MBP: variants seen among roughly 807,000 people sequenced by gnomAD.
MBP encodes Golli-MBP.
In MBP, 16 loss-of-function variants were observed where a neutral mutation model predicts 35.8. That is an observed-to-expected ratio of 0.45 (90% CI 0.30 to 0.68). MBP has a LOEUF of 0.68. Ranked by LOEUF, MBP falls within the 30% of genes least tolerant of loss-of-function variation. The pLI is 0.08. For missense variants in MBP, 380 were observed against 404.7 expected (o/e 0.94, Z 0.52); for synonymous variants, 143 against 159.6 (o/e 0.90, Z 0.78).
rs756675355 is a variant in MBP at position 77,093,334 on chromosome 18, T to C, written c.51+11877A>G. 3.1e-3 allele frequency: 466 copies of C among 152,438 alleles called. 3 individuals carry two copies. Among genetic ancestry groups the C allele is most frequent in the Non-Finnish European group, 3.7e-3 (254 of 68,138 alleles). 9.4% of individuals were successfully genotyped at this position (152,438 alleles called of 1,614,324 possible). On this transcript the variant is annotated intron_variant, in intron 2 of 8. Transcript: ENST00000355994. ...GGCGGCATGAGGAGAGAGCCGCAGG[T>C]GGGGCGTGTGCACAAAGTGCAGGTG...
chr18:76,979,806 G>A lies in MBP; in HGVS notation c.*621C>T, dbSNP rs138147184. 3.3e-4 allele frequency: 197 copies of A among 602,312 alleles called. 2 individuals carry two copies. The East Asian group carries it at 5.5e-3, about 17-fold the overall frequency. The allele number at this position is 602,312 out of a possible 1,614,324, so 37.3% of individuals were successfully genotyped here. Reference sequence around the variant, plus strand: ...GTGTGGGCAGCCACGGCCTGGGGAGGTGGCCCCCTCTCTGTGCTGCCCCAC... The same window carrying A: ...GTGTGGGCAGCCACGGCCTGGGGAGATGGCCCCCTCTCTGTGCTGCCCCAC... On this transcript the variant is annotated 3_prime_UTR_variant, in exon 9 of 9. Transcript: ENST00000355994.
rs963959706 is a variant in MBP, at chr18:77,101,610, A to T, written c.51+3601T>A. Among the ~76,000 whole-genome samples, 10 of 152,174 alleles carry T rather than the reference A, an allele frequency of 6.6e-5. No homozygotes were observed. Among genetic ancestry groups the T allele is most frequent in the Admixed American group, 2.6e-4 (4 of 15,284 alleles). On this transcript the variant is annotated intron_variant, in intron 2 of 8. Coordinates refer to ENST00000355994, the MANE Select transcript of MBP (RefSeq NM_001025101.2). This position sits in a 1 kb window ranked among gnomAD's most constrained non-coding sequence, Gnocchi z 4.3. ...GTGGCTCAACCACTTGTTACCAGGG[A>T]CCTGCACCCCATATGAGTGGACTAA... is the stretch of plus-strand genomic sequence containing the variant.
At chr18:77,026,245 C>T (rs1972217956) in intron 3 of MBP, among the ~76,000 whole-genome samples, 1 of 152,252 alleles carries the variant, frequency 6.6e-6, no homozygotes, top group African/African-American at 2.4e-5. Flanking sequence ...CAGCCGCAAC[C>T]GGAGGCAGAG....
At chr18:77,067,865 C>G in intron 2 of MBP, 1 of 510,176 alleles carries the variant, frequency 2.0e-6, no homozygotes, top group South Asian at 1.4e-5. Context: ...TTAAGACCAC[C>G]CTGAAGTCTG....
At chr18:76,998,307 C>T (rs1009703410) in intron 4 of MBP, among the ~76,000 whole-genome samples, 3 of 144,370 alleles carry the variant, frequency 2.1e-5, no homozygotes, top group Non-Finnish European at 3.0e-5. Context: ...GCCCTCCAGG[C>T]GCCCCGTGCT....
intron 2 of MBP, among the ~76,000 whole-genome samples, chr18:77,068,102 C>T (rs1278243783): frequency 1.3e-5 from 2 of 152,030 alleles, no homozygotes; most frequent in Admixed American, 1.3e-4. Context: ...GGTAAGGTCC[C>T]CACCAACCAA....
chr18:77,037,222 C>T (rs35789059), intron 3 of MBP, among the ~76,000 whole-genome samples: 42,126 of 143,934 alleles, frequency 0.29, 5,199 homozygotes, highest in South Asian at 0.44. Flanking sequence ...GTGCTGGTCA[C>T]GTTTTGGAGA....
At chr18:77,092,667 C>T (rs1038644047) in intron 2 of MBP, among the ~76,000 whole-genome samples, 26 of 152,116 alleles carry the variant, frequency 1.7e-4, no homozygotes, top group Non-Finnish European at 3.4e-4. Flanking sequence ...CCACAAGTTA[C>T]AGACGCAGGG....
Position 76,984,913 on chromosome 18 carries a change from G to T in MBP, c.751-19C>A. Reference sequence around the variant, plus strand: ...CGGCCCCCTGCAAGAGAAGACCACGGAGCTCAACCTCCACCCGCGGTGCTG... The same window carrying T: ...CGGCCCCCTGCAAGAGAAGACCACGTAGCTCAACCTCCACCCGCGGTGCTG... On this transcript the variant is annotated intron_variant, in intron 7 of 8. Transcript: ENST00000355994. The T allele has an allele frequency of 6.2e-7, 1 of 1,611,862 alleles. No individual in the cohort carries two copies. The highest frequency in any genetic ancestry group is 8.5e-7 in the Non-Finnish European group (1 of 1,179,820).
chr18:76,989,946 C>T lies in MBP; in HGVS notation c.681+10G>A, dbSNP rs1568268037. ...ACAGTTGCTACCTCTTCCCATCGAT[C>T]GTCACTTACAATGTTCTTGAAGAAG... is the stretch of plus-strand genomic sequence containing the variant. On this transcript the variant is annotated intron_variant, in intron 5 of 8. Transcript: ENST00000355994. The surrounding 1 kb of genome is among the most constrained non-coding windows in gnomAD (Gnocchi z 4.0). 1.9e-6 allele frequency: 3 copies of T among 1,606,268 alleles called. No individual in the cohort carries two copies. Among genetic ancestry groups the T allele is most frequent in the Middle Eastern group, 2.2e-4 (1 of 4,538 alleles).
At chr18:77,003,188 G>C (rs1240617906) in intron 4 of MBP, 1 of 152,166 alleles carries the variant, frequency 6.6e-6, no homozygotes, top group East Asian at 1.9e-4. Flanking sequence ...CCTCCTTTCA[G>C]TGGAGAGTGA....
chr18:77,067,703 T>C, intron 2 of MBP: 1 of 418,684 alleles, frequency 2.4e-6, no homozygotes, highest in Non-Finnish European at 4.8e-6. Flanking sequence ...TGCCACTCCC[T>C]GCAGCGCCCC....
intron 4 of MBP, among the ~76,000 whole-genome samples, chr18:76,996,342 T>C (rs1970270289): frequency 6.6e-6 from 1 of 152,212 alleles, no homozygotes; most frequent in African/African-American, 2.4e-5. Context: ...ATAATGAATA[T>C]ATTGGCCACC....
chr18:77,084,956 G>C (rs542663370), intron 2 of MBP, among the ~76,000 whole-genome samples: 183 of 15,260 alleles, frequency 0.012, 1 homozygote, highest in Middle Eastern at 0.042. Context: ...GAAGGGGGAG[G>C]GGGGAGAGAG....
intron 1 of MBP, among the ~76,000 whole-genome samples, chr18:77,130,324 C>T (rs1977198977): frequency 6.6e-6 from 1 of 151,982 alleles, no homozygotes; most frequent in Admixed American, 6.5e-5. Flanking sequence ...TGCAGACTCC[C>T]CGGATGGAAT....
rs984359629 is a variant in MBP, at chr18:77,102,717, T to C, written c.51+2494A>G. On this transcript the variant is annotated intron_variant, in intron 2 of 8. Transcript: ENST00000355994. The surrounding 1 kb of genome is among the most constrained non-coding windows in gnomAD (Gnocchi z 4.4). ...CAGCGTCAAACAACAGGAAAGAAAC[T>C]GTACACCACAGAGAGGTTTCTTGAA... Among the ~76,000 whole-genome samples the C allele has an allele frequency of 6.6e-6, 1 of 152,204 alleles. No homozygotes were observed. The highest frequency in any genetic ancestry group is 1.5e-5 in the Non-Finnish European group (1 of 68,030).
At chr18:77,026,941 A>G (rs1408354539) in intron 3 of MBP, among the ~76,000 whole-genome samples, 1 of 152,238 alleles carries the variant, frequency 6.6e-6, no homozygotes, top group African/African-American at 2.4e-5. Context: ...ATGAGACAGA[A>G]GGCAATGAAA....
At chr18:77,009,980 T>C in intron 4 of MBP, 1 of 1,242,128 alleles carries the variant, frequency 8.1e-7, no homozygotes. Context: ...CCGCCGGCAA[T>C]GCCCCAAAGT....
chr18:76,988,069 T>G lies in MBP; in HGVS notation c.750+426A>C, dbSNP rs778927704. 93 of 1,449,574 alleles carry G rather than the reference T, an allele frequency of 6.4e-5. 1 individual carries two copies. Among genetic ancestry groups the G allele is most frequent in the Admixed American group, 2.5e-5 (1 of 39,422 alleles). The allele number at this position is 1,449,574 out of a possible 1,614,324, so 89.8% of individuals were successfully genotyped here. A position where few individuals can be genotyped will look rare whatever the true frequency, so the allele number is the denominator to read the frequency against. On this transcript the variant is annotated intron_variant, in intron 7 of 8. Transcript: ENST00000355994. This position sits in a 1 kb window ranked among gnomAD's most constrained non-coding sequence, Gnocchi z 5.2. Reference sequence around the variant, plus strand: ...TTTCTGTTCATCAGCAGAATCATTTTCCCAGTGTCAGCATCTGGGGTCACT... The same window carrying G: ...TTTCTGTTCATCAGCAGAATCATTTGCCCAGTGTCAGCATCTGGGGTCACT...
Sources: gnomAD v4.1 joint callset for allele counts (sites outside exome capture counted in the v4.1 genomes callset) on GRCh38, gnomAD v4.1.1 for gene constraint, Gnocchi (gnomAD v3.1) non-coding constraint, MANE v1.5 for transcripts, NCBI Gene and HGNC (gene_info 2026-07-23, HGNC 2026-07-21) for gene names.